ZDHHC23: variants seen among roughly 807,000 people sequenced by gnomAD.
The protein encoded by ZDHHC23 is palmitoyltransferase ZDHHC23.
A neutral mutation model predicts 40.2 loss-of-function variants in ZDHHC23; 41 were observed. The ratio of observed to expected loss-of-function variants is 1.02; its 90% CI spans 0.79 to 1.32. The LOEUF (loss-of-function observed/expected upper bound fraction) is 1.32, where lower values mean the gene tolerates loss of function less well. Ranked by LOEUF, ZDHHC23 falls within the 40% of genes most tolerant of loss-of-function variation. The pLI is 0.00. For missense variants in ZDHHC23, 471 were observed against 541.5 expected (o/e 0.87, Z 1.29); for synonymous variants, 204 against 210.2 (o/e 0.97, Z 0.26).
At chr3:113,978,106 A>G in the ZDHHC23 span, 2 of 1,504,676 alleles carry the variant, frequency 1.3e-6, no homozygotes, top group Non-Finnish European at 1.8e-6. Context: ...TCATCTCTGC[A>G]GACACATTGT....
rs373318070 is a variant in ZDHHC23 at position 113,954,117 on chromosome 3, C to T, written c.579C>T (p.Gly193=). The change falls in exon 3 of 5, where the codon GGC becomes GGT. Residue 193 remains glycine, a synonymous_variant. Transcript: ENST00000638807. ...LALHRAKKNP[G]YLSNPASGDR... The stretch of plus-strand genomic sequence containing the variant: ...TGCACAGAGCCAAGAAGAATCCAGG[C>T]TACCTCAGCAATCCAGCAAGCGGTG... 1 of 1,614,094 alleles carries T rather than the reference C, an allele frequency of 6.2e-7. No individual in the cohort carries two copies. The highest frequency in any genetic ancestry group is 1.3e-5 in the African/African-American group (1 of 74,926).
intron 2 of ZDHHC23, among the ~76,000 whole-genome samples, chr3:113,951,873 C>G (rs535046506): frequency 1.5e-4 from 23 of 152,340 alleles, no homozygotes; most frequent in Non-Finnish European, 2.8e-4. Context: ...CGCGGTGACT[C>G]ACACCTGTAA....
intron 3 of ZDHHC23, among the ~76,000 whole-genome samples, chr3:113,955,387 T>TGTGTGTGTGC (rs1553732069): frequency 7.0e-6 from 1 of 143,460 alleles, no homozygotes; most frequent in Non-Finnish European, 1.5e-5. Context: ...TGTGTGTGTG[T>TGTGTGTGTGC]GTGTGCGTGT....
rs1429720514 is a variant in ZDHHC23, at chr3:113,960,216, CTGTTGCCATTAAT to C, written c.*1589_*1601del. The C allele has an allele frequency of 8.0e-6, 8 of 996,258 alleles. No individual in the cohort carries two copies. In the African/African-American group the frequency reaches 1.2e-4, roughly 15 times the overall value. 61.7% of individuals were successfully genotyped at this position (996,258 alleles called of 1,614,324 possible). On this transcript the variant is annotated 3_prime_UTR_variant, in exon 5 of 5. Transcript: ENST00000638807. ...CCCTCTGCAGCCAGCACCGTCCCTA[CTGTTGCCATTAAT>C]TGGAGCTGTCCTTAAGATGGTCACC...
downstream of ZDHHC23, chr3:113,964,648 C>T (rs1290437134): frequency 6.6e-6 from 1 of 152,252 alleles, no homozygotes; most frequent in East Asian, 1.9e-4. Context: ...GTGTAGAGAA[C>T]CTTTTCATAC....
In ZDHHC23 at chr3:113,954,278, A is replaced by G. The variant is rs11921691; in HGVS notation, c.740A>G (p.Lys247Arg). The G allele has an allele frequency of 0.55, 885,936 of 1,613,832 alleles. 244,154 individuals carry two copies. The highest frequency in any genetic ancestry group is 0.63 in the East Asian group (28,362 of 44,848). ...TTKDDPKGSSKMPAGSPTKAK... is the reference protein window; with the variant it reads ...TTKDDPKGSSRMPAGSPTKAK... Reference sequence around the variant, plus strand: ...AAGGATGACCCCAAGGGCTCTTCCAAGATGCCAGCTGGAAGCCCCACCAAA... The same window carrying G: ...AAGGATGACCCCAAGGGCTCTTCCAGGATGCCAGCTGGAAGCCCCACCAAA... Residue 247 changes from lysine (K) to arginine (R), a missense_variant, in exon 3 of 5, where the codon AAG becomes AGG. Coordinates refer to ENST00000638807, the MANE Select transcript of ZDHHC23 (RefSeq NM_001320466.2).
At chr3:113,979,113 C>T in the ZDHHC23 span, 11 of 1,055,910 alleles carry the variant, frequency 1.0e-5, no homozygotes, top group East Asian at 2.6e-5. Context: ...TTTAGGCAGT[C>T]GGTAGAGAAT....
downstream of ZDHHC23, among the ~76,000 whole-genome samples, chr3:113,967,108 AAAAAAAG>A (rs1940262016): frequency 1.5e-5 from 1 of 64,692 alleles, no homozygotes; most frequent in South Asian, 6.8e-4. Context: ...TCAAAAAAAG[AAAAAAAG>A]AAAAAAAGAA....
At chr3:113,978,104 G>A in the ZDHHC23 span, 3 of 1,499,378 alleles carry the variant, frequency 2.0e-6, no homozygotes, top group Non-Finnish European at 9.2e-7. Flanking sequence ...GCTCATCTCT[G>A]CAGACACATT....
chr3:113,971,236 T>G, the ZDHHC23 span, among the ~76,000 whole-genome samples: 1 of 152,166 alleles, frequency 6.6e-6, no homozygotes, highest in Non-Finnish European at 1.5e-5. Context: ...TGTTGTTTCC[T>G]GACTTTTTAA....
At chr3:113,967,844 T>C (rs1209875233), downstream of ZDHHC23, among the ~76,000 whole-genome samples, 1 of 152,074 alleles carries the variant, frequency 6.6e-6, no homozygotes, top group Non-Finnish European at 1.5e-5. Flanking sequence ...TCTATCTTCA[T>C]GAGATTCACA....
the ZDHHC23 span, among the ~76,000 whole-genome samples, chr3:113,973,535 C>A: frequency 6.6e-6 from 1 of 151,184 alleles, no homozygotes; most frequent in Non-Finnish European, 1.5e-5. Context: ...CTGAGAAAAA[C>A]TTTCTCTATC....
the ZDHHC23 span, among the ~76,000 whole-genome samples, chr3:113,973,797 T>C: frequency 6.6e-6 from 1 of 152,064 alleles, no homozygotes; most frequent in Non-Finnish European, 1.5e-5. Flanking sequence ...TTGGTTTCTC[T>C]GACTTTCCTA....
At chr3:113,951,755 T>A (rs1938688224) in intron 2 of ZDHHC23, among the ~76,000 whole-genome samples, 1 of 152,236 alleles carries the variant, frequency 6.6e-6, no homozygotes, top group Admixed American at 6.5e-5. Context: ...CTCCCAAACA[T>A]GCTTTCTCAT....
intron 2 of ZDHHC23, among the ~76,000 whole-genome samples, chr3:113,952,902 A>AT (rs1478828304): frequency 6.6e-6 from 1 of 152,142 alleles, no homozygotes; most frequent in African/African-American, 2.4e-5. Flanking sequence ...TCATGACCTA[A>AT]TACCCTCCTA....
the ZDHHC23 span, among the ~76,000 whole-genome samples, chr3:113,975,007 G>A: frequency 2.6e-4 from 40 of 152,246 alleles, no homozygotes; most frequent in South Asian, 5.8e-3. Context: ...TATGATTTAA[G>A]TCACCAAGGT....
chr3:113,971,240 T>A, the ZDHHC23 span, among the ~76,000 whole-genome samples: 1 of 152,208 alleles, frequency 6.6e-6, no homozygotes. Context: ...GTTTCCTGAC[T>A]TTTTAATGAT....
chr3:113,978,297 A>C, the ZDHHC23 span: 1 of 1,613,932 alleles, frequency 6.2e-7, no homozygotes, highest in Admixed American at 1.7e-5. Flanking sequence ...ATGTACACAA[A>C]ATTTTCTTAC....
rs1939593024 is a variant in ZDHHC23 at position 113,960,299 on chromosome 3, T to A, written c.*1669T>A. On this transcript the variant is annotated 3_prime_UTR_variant, in exon 5 of 5. Transcript: ENST00000638807. The stretch of plus-strand genomic sequence containing the variant: ...TGTCATTTTCCCCAGAGATGGTTTG[T>A]TTAACGAATGATAGGCTCTGTGCCT... 6 of 1,027,246 alleles carry A rather than the reference T, an allele frequency of 5.8e-6. No individual in the cohort carries two copies. The highest frequency in any genetic ancestry group is 5.3e-5 in the Admixed American group (1 of 18,994). 63.6% of individuals were successfully genotyped at this position (1,027,246 alleles called of 1,614,324 possible).
Sources: gnomAD v4.1 joint callset for allele counts (sites outside exome capture counted in the v4.1 genomes callset) on GRCh38, gnomAD v4.1.1 for gene constraint, MANE v1.5 for transcripts, NCBI Gene and HGNC (gene_info 2026-07-23, HGNC 2026-07-21) for gene names.